The following RAPH1 variants were observed in gnomAD, a reference collection of about 807,000 sequenced individuals.
RAPH1 encodes the protein ras-associated and pleckstrin homology domains-containing protein 1.
A neutral mutation model predicts 88.1 loss-of-function variants in RAPH1; 18 were observed. That is an observed-to-expected ratio of 0.20 (90% CI 0.14 to 0.30). The LOEUF (loss-of-function observed/expected upper bound fraction) is 0.30. Ranked by LOEUF, RAPH1 falls within the 10% of genes least tolerant of loss-of-function variation. RAPH1 has a pLI of 1.00. For synonymous variants in RAPH1, 587 were observed against 559.0 expected (o/e 1.05, Z -0.71); for missense variants, 1,448 against 1,543.2 (o/e 0.94, Z 1.03).
chr2:203,487,479 C>T (rs1688023110), intron 4 of RAPH1, among the ~76,000 whole-genome samples: 1 of 151,868 alleles, frequency 6.6e-6, no homozygotes, highest in Admixed American at 6.6e-5. Flanking sequence ...CTCCCTGGTT[C>T]AAGCGATTCT....
intron 9 of RAPH1, 119 bp downstream of exon 9, chr2:203,455,318 C>T (rs543820996): frequency 2.2e-4 from 201 of 921,014 alleles, no homozygotes; most frequent in Non-Finnish European, 2.9e-4. Flanking sequence ...AAGCAATATT[C>T]TATGTCTTCC....
At chr2:203,449,359 G>A (rs759736940) in intron 10 of RAPH1, among the ~76,000 whole-genome samples, 3 of 152,178 alleles carry the variant, frequency 2.0e-5, no homozygotes, top group Non-Finnish European at 2.9e-5. Context: ...ACCTGTCACA[G>A]GGAAGTACAG....
chr2:203,482,806 A>AAAAACAAAAC (rs371815663), intron 4 of RAPH1, among the ~76,000 whole-genome samples: 4 of 151,580 alleles, frequency 2.6e-5, no homozygotes, highest in African/African-American at 4.9e-5. Context: ...CTGTCTCAAA[A>AAAAACAAAAC]AAAACAAAAC....
chr2:203,482,896 C>T (rs547242563), intron 4 of RAPH1, among the ~76,000 whole-genome samples: 27 of 152,168 alleles, frequency 1.8e-4, no homozygotes, highest in East Asian at 1.5e-3. Context: ...AATCAAAGAA[C>T]GCCTCAATAA....
At chr2:203,488,628 G>C (rs191086741) in intron 4 of RAPH1, among the ~76,000 whole-genome samples, 2 of 99,058 alleles carry the variant, frequency 2.0e-5, no homozygotes, top group African/African-American at 3.8e-5. Flanking sequence ...ACCTGTTTAT[G>C]AACAACTTTT....
At chr2:203,505,427 G>A (rs894192894) in intron 1 of RAPH1, among the ~76,000 whole-genome samples, 5 of 132,616 alleles carry the variant, frequency 3.8e-5, no homozygotes, top group East Asian at 2.0e-4. Flanking sequence ...AAGACTGGCC[G>A]CCATGATTAA....
chr2:203,468,061 G>A (rs2098530034), intron 4 of RAPH1, among the ~76,000 whole-genome samples: 1 of 152,150 alleles, frequency 6.6e-6, no homozygotes, highest in Non-Finnish European at 1.5e-5. Context: ...ATGAGCCACT[G>A]ACCATGTTTA....
At chr2:203,516,885 T>G (rs1281041032) in intron 1 of RAPH1, among the ~76,000 whole-genome samples, 1 of 151,774 alleles carries the variant, frequency 6.6e-6, no homozygotes, top group Non-Finnish European at 1.5e-5. Flanking sequence ...TACAAAAAAA[T>G]TAGCTGGGCG....
Position 203,526,742 on chromosome 2 carries a change from G to T in RAPH1, c.-1+8369C>A, listed in dbSNP as rs187216418. Among the ~76,000 whole-genome samples, 97 of 147,488 alleles carry T rather than the reference G, an allele frequency of 6.6e-4. 1 individual carries two copies. In the East Asian group the frequency reaches 8.3e-3, roughly 13 times the overall value. ...AAAAAAAAAAAATACAATACACTATGAAGTGGAACTTAATATGAAAGGCTC... is the reference window on the plus strand; with the variant it reads ...AAAAAAAAAAAATACAATACACTATTAAGTGGAACTTAATATGAAAGGCTC... On this transcript the variant is annotated intron_variant, in intron 1 of 13. Coordinates refer to ENST00000319170, the MANE Select transcript of RAPH1 (RefSeq NM_213589.3).
In RAPH1 at chr2:203,489,827, G is replaced by A; in HGVS notation, c.489C>T (p.Ala163=). 1 of 1,614,214 alleles carries A rather than the reference G, an allele frequency of 6.2e-7. No homozygotes were observed. Among genetic ancestry groups the A allele is most frequent in the Middle Eastern group, 1.7e-4 (1 of 6,060 alleles). ...GAGCAGCCTCATCCATACTCAAAGAGGCCTGTTCTAACTGTGCAGTGACGT... is the reference window on the plus strand; with the variant it reads ...GAGCAGCCTCATCCATACTCAAAGAAGCCTGTTCTAACTGTGCAGTGACGT... The part of the protein sequence containing the change: ...LDDVTAQLEQ[A]SLSMDEAAQQ... Residue 163 remains alanine, a synonymous_variant, in exon 4 of 14, where the codon GCC becomes GCT. Transcript: ENST00000319170.
At position 203,439,743 on chromosome 2, in the gene RAPH1, T is replaced by G; in HGVS notation, c.3447A>C (p.Pro1149=). ...SEQPTMATVV[P]QVPTSPKSSL... ...TGGATTTGGGAGAGGTGGGCACTTG[T>G]GGCACAACTGTGGCCATTGTTGGCT... Residue 1149 remains proline, a synonymous_variant, in exon 14 of 14, where the codon CCA becomes CCC. Coordinates refer to ENST00000319170, the MANE Select transcript of RAPH1 (RefSeq NM_213589.3). 1.9e-6 allele frequency: 3 copies of G among 1,614,102 alleles called. No homozygotes were observed. The highest frequency in any genetic ancestry group is 2.2e-5 in the South Asian group (2 of 91,082).
At chr2:203,486,069 A>C (rs1331243325) in intron 4 of RAPH1, among the ~76,000 whole-genome samples, 1 of 148,584 alleles carries the variant, frequency 6.7e-6, no homozygotes. Flanking sequence ...AGGAAAAAAA[A>C]CCTAAGGATA....
At chr2:203,492,377 G>C (rs1335718748) in intron 2 of RAPH1, among the ~76,000 whole-genome samples, 1 of 152,006 alleles carries the variant, frequency 6.6e-6, no homozygotes, top group African/African-American at 2.4e-5. Context: ...AAATTATTAA[G>C]ACCCAAGACT....
intron 1 of RAPH1, among the ~76,000 whole-genome samples, chr2:203,532,475 G>GTTAAGAATACAAGC (rs1422153861): frequency 6.6e-6 from 1 of 152,158 alleles, no homozygotes; most frequent in African/African-American, 2.4e-5. Context: ...TAAAAACATG[G>GTTAAGAATACAAGC]TTAAGAATAC....
chr2:203,455,056 A>AT (rs2098518147), intron 9 of RAPH1, among the ~76,000 whole-genome samples: 1 of 152,182 alleles, frequency 6.6e-6, no homozygotes, highest in Admixed American at 6.5e-5. Context: ...CACCGAAGTG[A>AT]TAGCTACACC....
At chr2:203,482,417 C>T (rs1581330574) in intron 4 of RAPH1, among the ~76,000 whole-genome samples, 1 of 152,088 alleles carries the variant, frequency 6.6e-6, no homozygotes, top group Non-Finnish European at 1.5e-5. Flanking sequence ...TACTCATGAC[C>T]TCAGGTGATC....
At chr2:203,522,916 A>T (rs1164971132) in intron 1 of RAPH1, among the ~76,000 whole-genome samples, 2 of 144,400 alleles carry the variant, frequency 1.4e-5, no homozygotes, top group African/African-American at 5.1e-5. Context: ...AAAAAAAAAA[A>T]GAAAAAGAAA....
chr2:203,470,093 A>G (rs2098531734), intron 4 of RAPH1: 2 of 530,150 alleles, frequency 3.8e-6, no homozygotes, highest in Non-Finnish European at 6.7e-6. Context: ...AGATCAGTAA[A>G]TAATTACCAT....
chr2:203,476,400 G>GCCTCAAGTAATCTGCCCA (rs1173301177), intron 4 of RAPH1, among the ~76,000 whole-genome samples: 5 of 151,934 alleles, frequency 3.3e-5, no homozygotes, highest in African/African-American at 1.2e-4. Context: ...TGAACTCCTG[G>GCCTCAAGTAATCTGCCCA]CCTCAAGTAA....
Sources: allele counts gnomAD v4.1 joint callset (sites outside exome capture counted in the v4.1 genomes callset), GRCh38; gene constraint gnomAD v4.1.1; transcripts MANE v1.5; gene names NCBI Gene and HGNC (gene_info 2026-07-23, HGNC 2026-07-21).